Variants in COL23A1 observed in about 807,000 individuals in gnomAD.
COL23A1 encodes the protein collagen alpha-1(XXIII) chain.
A neutral mutation model predicts 99.3 loss-of-function variants in COL23A1; 97 were observed. The observed-to-expected ratio is 0.98, with a 90% CI of 0.83 to 1.16. The LOEUF (loss-of-function observed/expected upper bound fraction) is 1.16. COL23A1 is among the 50% of genes most tolerant of loss of function. COL23A1 has a pLI of 0.00. For synonymous variants in COL23A1, 320 were observed against 308.2 expected, an observed-to-expected ratio of 1.04 and a Z score of -0.40; for missense variants, 762 against 757.4, an observed-to-expected ratio of 1.01 and a Z score of -0.07.
At chr5:178,486,473 C>T (rs1178544024) in intron 2 of COL23A1, among the ~76,000 whole-genome samples, 1 of 152,044 alleles carries the variant, frequency 6.6e-6, no homozygotes, top group African/African-American at 2.4e-5. Context: ...AAAACGTTGA[C>T]AAGACACGGC....
intron 2 of COL23A1, among the ~76,000 whole-genome samples, chr5:178,543,146 C>T (rs1231473021): frequency 4.0e-5 from 6 of 149,692 alleles, no homozygotes; most frequent in African/African-American, 4.9e-5. Context: ...TCGCGCTTGT[C>T]GCCCAGGCTG....
intron 2 of COL23A1, among the ~76,000 whole-genome samples, chr5:178,490,226 CA>C (rs372075827): frequency 1.3e-5 from 2 of 149,194 alleles, no homozygotes; most frequent in Non-Finnish European, 1.5e-5. Flanking sequence ...AATTCCATCT[CA>C]AAAAAAACAA....
rs147557433 is a variant in COL23A1 at position 178,334,977 on chromosome 5, C to T, written c.362-28058G>A. 5.3e-5 allele frequency among the ~76,000 whole-genome samples: 8 copies of T among 152,310 alleles called. No homozygotes were observed. In the East Asian group the frequency reaches 9.7e-4, roughly 18 times the overall value. On this transcript the variant is annotated intron_variant, in intron 2 of 28. Coordinates refer to ENST00000390654, the MANE Select transcript of COL23A1 (RefSeq NM_173465.4). Reference sequence around the variant, plus strand: ...TTGGATGGGGCTGATGAGCACGTTCCGACATTCTGTTCAAGGCACGAAGGG... The same window carrying T: ...TTGGATGGGGCTGATGAGCACGTTCTGACATTCTGTTCAAGGCACGAAGGG...
intron 1 of COL23A1, among the ~76,000 whole-genome samples, chr5:178,570,097 T>G (rs948922955): frequency 7.3e-6 from 1 of 136,516 alleles, no homozygotes; most frequent in South Asian, 2.3e-4. Context: ...TCACAGTTCA[T>G]TTCTTTTTCT....
chr5:178,265,463 T>G (rs1303394196), intron 8 of COL23A1, among the ~76,000 whole-genome samples: 3 of 152,142 alleles, frequency 2.0e-5, no homozygotes, highest in Non-Finnish European at 4.4e-5. Flanking sequence ...TGGCCTAGAC[T>G]CTACTTATTA....
chr5:178,275,831 T>C (rs11249798), intron 5 of COL23A1, among the ~76,000 whole-genome samples: 48,912 of 151,852 alleles, frequency 0.32, 8,409 homozygotes, highest in East Asian at 0.65. Flanking sequence ...AGCCCCCCGG[T>C]CCTGACCGAT....
chr5:178,587,901 G>C (rs921064952), intron 1 of COL23A1, among the ~76,000 whole-genome samples: 2 of 152,106 alleles, frequency 1.3e-5, no homozygotes, highest in Admixed American at 6.6e-5. Flanking sequence ...GTCTCACAGG[G>C]GCCACCCAAA....
Position 178,590,134 on chromosome 5 carries a change from C to G in COL23A1, c.64G>C (p.Gly22Arg). ...GTCGTCGCCGAGCGCCCTCCGCCGC[C>G]GCCGCCCGCCGCATTGCCCTTCCCC... ...DAGKGNAAGGGGGGRSATTAG... is the reference protein window; with the variant it reads ...DAGKGNAAGGRGGGRSATTAG... The change falls in exon 1 of 29, where the codon GGC becomes CGC. Residue 22 changes from glycine (G) to arginine (R), a missense_variant. By Grantham distance (125) the Gly-to-Arg change is moderately radical (BLOSUM62 -2). Transcript: ENST00000390654. The surrounding 1 kb of genome is among the most constrained non-coding windows in gnomAD (Gnocchi z 5.7). 1 of 1,238,548 alleles carries G rather than the reference C, an allele frequency of 8.1e-7. No homozygotes were observed. Among genetic ancestry groups the G allele is most frequent in the Non-Finnish European group, 1.0e-6 (1 of 995,012 alleles). 76.7% of individuals were successfully genotyped at this position (1,238,548 alleles called of 1,614,324 possible).
chr5:178,481,176 G>A (rs1418948957), intron 2 of COL23A1, among the ~76,000 whole-genome samples: 1 of 147,088 alleles, frequency 6.8e-6, no homozygotes. Flanking sequence ...TGACTTACAA[G>A]CTTTCCCTCA....
chr5:178,537,580 C>T (rs1562066047), intron 2 of COL23A1, among the ~76,000 whole-genome samples: 1 of 152,174 alleles, frequency 6.6e-6, no homozygotes, highest in Non-Finnish European at 1.5e-5. Flanking sequence ...ACATGAGGGC[C>T]GGACCTGTCC....
intron 2 of COL23A1, among the ~76,000 whole-genome samples, chr5:178,480,166 T>G (rs894721759): frequency 6.6e-6 from 1 of 151,824 alleles, no homozygotes; most frequent in Non-Finnish European, 1.5e-5. Flanking sequence ...AAAAGAAAAT[T>G]TTTTAAATAG....
chr5:178,471,942 C>G (rs1449208502), intron 2 of COL23A1, among the ~76,000 whole-genome samples: 1 of 152,142 alleles, frequency 6.6e-6, no homozygotes, highest in Non-Finnish European at 1.5e-5. Context: ...CAGTAAGAAA[C>G]TCTTCTTTCA....
chr5:178,441,511 G>A (rs1252759472), intron 2 of COL23A1, among the ~76,000 whole-genome samples: 3 of 151,992 alleles, frequency 2.0e-5, no homozygotes, highest in Admixed American at 6.6e-5. Flanking sequence ...AAGGCCTCTC[G>A]GTACAGGCGC....
At chr5:178,485,663 C>A (rs894489347) in intron 2 of COL23A1, among the ~76,000 whole-genome samples, 5 of 151,484 alleles carry the variant, frequency 3.3e-5, no homozygotes, top group African/African-American at 1.2e-4. Flanking sequence ...GCCTGTAATC[C>A]CAGCTACTCG....
intron 2 of COL23A1, among the ~76,000 whole-genome samples, chr5:178,421,040 A>T (rs919251775): frequency 6.6e-6 from 1 of 152,002 alleles, no homozygotes; most frequent in Non-Finnish European, 1.5e-5. Flanking sequence ...TTCTTTGTTG[A>T]CCAGGAGGCT....
intron 2 of COL23A1, among the ~76,000 whole-genome samples, chr5:178,502,203 C>T (rs1047722428): frequency 1.3e-5 from 2 of 152,184 alleles, no homozygotes; most frequent in Non-Finnish European, 2.9e-5. Flanking sequence ...GTGATCTCGG[C>T]CCACTGCAAG....
chr5:178,277,550 G>A (rs1003618663), intron 5 of COL23A1, among the ~76,000 whole-genome samples: 6 of 152,260 alleles, frequency 3.9e-5, no homozygotes, highest in African/African-American at 1.4e-4. Flanking sequence ...ATGGCGAGGT[G>A]ACTCGCCAGC....
At chr5:178,358,268 G>A (rs1016214355) in intron 2 of COL23A1, among the ~76,000 whole-genome samples, 12 of 144,578 alleles carry the variant, frequency 8.3e-5, no homozygotes, top group African/African-American at 2.8e-4. Context: ...GTATATGTGT[G>A]TATATGTGTG....
intron 3 of COL23A1, among the ~76,000 whole-genome samples, chr5:178,302,853 G>A (rs181051665): frequency 1.1e-3 from 168 of 152,316 alleles, no homozygotes; most frequent in African/African-American, 3.8e-3. Context: ...GACAAGCCTT[G>A]GGTATGGTGC....
Sources: gnomAD v4.1 joint callset for allele counts (sites outside exome capture counted in the v4.1 genomes callset) on GRCh38, gnomAD v4.1.1 for gene constraint, Gnocchi (gnomAD v3.1) non-coding constraint, MANE v1.5 for transcripts, NCBI Gene and HGNC (gene_info 2026-07-23, HGNC 2026-07-21) for gene names.